NALCN: variants seen among roughly 807,000 people sequenced by gnomAD.
The protein encoded by NALCN is sodium leak channel, non-selective.
Under a neutral mutation model 225.3 loss-of-function variants are expected in NALCN, and 111 were observed. The ratio of observed to expected loss-of-function variants is 0.49; its 90% CI spans 0.42 to 0.58. NALCN has a LOEUF of 0.58. Among genes scored for constraint, NALCN ranks in the 20% least tolerant of loss-of-function variants. NALCN has a pLI of 0.00. For synonymous variants in NALCN, 764 were observed against 769.0 expected (o/e 0.99, Z 0.11); for missense variants, 1,378 against 2,202.4 (o/e 0.63, Z 7.49).
At chr13:101,139,657 A>G (rs568835932) in intron 17 of NALCN, among the ~76,000 whole-genome samples, 1 of 151,972 alleles carries the variant, frequency 6.6e-6, no homozygotes, top group South Asian at 2.1e-4. Context: ...TACTGTGACT[A>G]GGATTTCCAA....
At chr13:101,385,362 G>GCAGA (rs2046958135) in intron 3 of NALCN, among the ~76,000 whole-genome samples, 3 of 152,114 alleles carry the variant, frequency 2.0e-5, no homozygotes, top group South Asian at 2.1e-4. Context: ...ATATCCCCAA[G>GCAGA]CAGACAGTTT....
At chr13:101,136,455 TCCCCCTG>T (rs1248880621) in intron 17 of NALCN, among the ~76,000 whole-genome samples, 1 of 101,118 alleles carries the variant, frequency 9.9e-6, no homozygotes, top group Non-Finnish European at 2.0e-5. Context: ...CCCTCCCCCC[TCCCCCTG>T]CCCCATGACA....
intron 13 of NALCN, among the ~76,000 whole-genome samples, chr13:101,214,336 C>T (rs2040643921): frequency 1.3e-5 from 2 of 151,934 alleles, no homozygotes; most frequent in Admixed American, 6.6e-5. Flanking sequence ...AGGAGATATA[C>T]CTAATGTAAA....
intron 15 of NALCN, among the ~76,000 whole-genome samples, chr13:101,146,442 A>C (rs1238559434): frequency 6.6e-6 from 1 of 152,248 alleles, no homozygotes; most frequent in Non-Finnish European, 1.5e-5. Flanking sequence ...ACAAAACAAA[A>C]AGTAGTAGCA....
chr13:101,381,098 A>G (rs892015234), intron 3 of NALCN, among the ~76,000 whole-genome samples: 1 of 152,142 alleles, frequency 6.6e-6, no homozygotes, highest in African/African-American at 2.4e-5. Context: ...AAGGTAATCA[A>G]CCAAACTTGG....
At chr13:101,184,733 G>C (rs1465089387) in intron 14 of NALCN, among the ~76,000 whole-genome samples, 2 of 152,098 alleles carry the variant, frequency 1.3e-5, no homozygotes, top group African/African-American at 4.8e-5. Flanking sequence ...TTTTGCAAGA[G>C]GGCAGCCTTG....
intron 10 of NALCN, among the ~76,000 whole-genome samples, chr13:101,269,597 T>C (rs1445477471): frequency 6.6e-6 from 1 of 152,176 alleles, no homozygotes; most frequent in East Asian, 1.9e-4. Flanking sequence ...CATGTATTAA[T>C]ACAAAGTGAG....
At chr13:101,116,587 T>C (rs754060311) in intron 18 of NALCN, 7 of 510,004 alleles carry the variant, frequency 1.4e-5, no homozygotes, top group African/African-American at 1.4e-4. Flanking sequence ...AAAAAGCCTA[T>C]ACATTCTGTA....
chr13:101,103,718 T>C (rs1431469634), intron 25 of NALCN, among the ~76,000 whole-genome samples: 1 of 152,204 alleles, frequency 6.6e-6, no homozygotes, highest in Non-Finnish European at 1.5e-5. Flanking sequence ...ATGATCACAA[T>C]TCTCCTTGTT....
intron 1 of NALCN, among the ~76,000 whole-genome samples, chr13:101,406,649 T>A (rs368712328): frequency 6.6e-6 from 1 of 152,360 alleles, no homozygotes; most frequent in East Asian, 1.9e-4. Context: ...CACACACTTA[T>A]AAAAATGTCA....
chr13:101,317,866 A>G (rs151152752), intron 7 of NALCN, among the ~76,000 whole-genome samples: 2,895 of 152,192 alleles, frequency 0.019, 103 homozygotes, highest in Non-Finnish European at 0.016. Context: ...ATATGCATAG[A>G]TTATTCCACT....
At chr13:101,355,628 TAGACAGATTAACG>T (rs921272008) in intron 6 of NALCN, among the ~76,000 whole-genome samples, 6 of 152,202 alleles carry the variant, frequency 3.9e-5, no homozygotes, top group Admixed American at 2.6e-4. Flanking sequence ...CTGTCAATAT[TAGACAGATTAACG>T]AGACAGAAAA....
chr13:101,399,976 T>G (rs2047420110), intron 1 of NALCN, among the ~76,000 whole-genome samples: 1 of 152,032 alleles, frequency 6.6e-6, no homozygotes, highest in South Asian at 2.1e-4. Context: ...TGAGAAGAAT[T>G]GTTATAAAGG....
At chr13:101,343,895 G>A (rs2045635651) in intron 7 of NALCN, among the ~76,000 whole-genome samples, 1 of 152,140 alleles carries the variant, frequency 6.6e-6, no homozygotes, top group Admixed American at 6.5e-5. Flanking sequence ...AGGGTATGAG[G>A]TGCTTTAGCT....
Position 101,065,427 on chromosome 13 carries a change from G to C in NALCN, c.4581C>G (p.Asp1527Glu), listed in dbSNP as rs143067409. 3.7e-6 allele frequency: 6 copies of C among 1,614,162 alleles called. No individual in the cohort carries two copies. Among genetic ancestry groups the C allele is most frequent in the East Asian group, 4.5e-5 (2 of 44,864 alleles). The change falls in exon 40 of 44, where the codon GAC (aspartate) becomes GAG (glutamate). Residue 1527 changes from aspartate to glutamate, a missense_variant. Physicochemically the swap from Asp to Glu is conservative, Grantham distance 45. Transcript: ENST00000251127. Reference sequence around the variant, plus strand: ...ACCTCAGGACATCATGGAAGGTGACGTCGCCGCCATTGTGGAGCCTCTCCA... The same window carrying C: ...ACCTCAGGACATCATGGAAGGTGACCTCGCCGCCATTGTGGAGCCTCTCCA... ...YEMERLHNGG[D>E]VTFHDVLSML...
intron 27 of NALCN, among the ~76,000 whole-genome samples, chr13:101,097,459 A>C (rs1054618674): frequency 6.6e-6 from 1 of 152,100 alleles, no homozygotes; most frequent in African/African-American, 2.4e-5. Flanking sequence ...GCCTTTTCCA[A>C]TTTGTCTTCC....
chr13:101,253,808 T>A (rs913386356), intron 11 of NALCN, among the ~76,000 whole-genome samples: 5 of 152,184 alleles, frequency 3.3e-5, no homozygotes, highest in African/African-American at 7.2e-5. Context: ...GTTGAGTAGT[T>A]GAGACAGAGA....
At position 101,095,686 on chromosome 13, in the gene NALCN, G is replaced by C; in HGVS notation, c.3163-6C>G. Reference sequence around the variant, plus strand: ...AATATGCCATTGCAATCTTCCTAAAGTAGAAAAACAAGAGGAGAGGGGAAA... The same window carrying C: ...AATATGCCATTGCAATCTTCCTAAACTAGAAAAACAAGAGGAGAGGGGAAA... On this transcript the variant is annotated splice_polypyrimidine_tract_variant and splice_region_variant and intron_variant, in intron 27 of 43. Transcript: ENST00000251127. The C allele has an allele frequency of 6.2e-7, 1 of 1,604,308 alleles. No individual in the cohort carries two copies. Among genetic ancestry groups the C allele is most frequent in the Non-Finnish European group, 8.5e-7 (1 of 1,174,408 alleles).
At chr13:101,301,566 C>T (rs1049913719) in intron 7 of NALCN, among the ~76,000 whole-genome samples, 21 of 151,818 alleles carry the variant, frequency 1.4e-4, no homozygotes, top group Non-Finnish European at 1.2e-4. Context: ...ACTAAAAATA[C>T]AAAAATTATC....
Sources: allele counts gnomAD v4.1 joint callset (sites outside exome capture counted in the v4.1 genomes callset), GRCh38; gene constraint gnomAD v4.1.1; transcripts MANE v1.5; gene names NCBI Gene and HGNC (gene_info 2026-07-23, HGNC 2026-07-21).